CCR7: variants seen among roughly 807,000 people sequenced by gnomAD.
CCR7 encodes the protein C-C motif chemokine receptor 7, also known as C-C chemokine receptor type 7.
A neutral mutation model predicts 26.0 loss-of-function variants in CCR7; 11 were observed. The observed-to-expected ratio is 0.42, with a 90% CI of 0.27 to 0.70. The LOEUF (loss-of-function observed/expected upper bound fraction) is 0.70. Among genes scored for constraint, CCR7 ranks in the 30% least tolerant of loss-of-function variants. CCR7 has a pLI of 0.23. For synonymous variants in CCR7, 189 were observed against 202.1 expected (o/e 0.94, Z 0.55); for missense variants, 360 against 504.0 (o/e 0.71, Z 2.74).
Position 40,558,896 on chromosome 17 carries a change from G to A in CCR7, c.57C>T (p.Phe19=). 6.2e-7 allele frequency: 1 copy of A among 1,613,756 alleles called. No homozygotes were observed. The highest frequency in any genetic ancestry group is 8.5e-7 in the Non-Finnish European group (1 of 1,179,748). ...TTTCCTTGGCAGAGAACCTCACCTG[G>A]AAAATGACAAGGAGAGCCACCACCA... ...SVLVVALLVI[F]QVCLCQDEVT... Residue 19 remains phenylalanine (F), a synonymous_variant, in exon 2 of 3, where the codon TTC becomes TTT. Coordinates refer to ENST00000246657, the MANE Select transcript of CCR7 (RefSeq NM_001838.4).
At chr17:40,559,354 C>G (rs746509793) in intron 1 of CCR7, among the ~76,000 whole-genome samples, 1 of 152,238 alleles carries the variant, frequency 6.6e-6, no homozygotes. Flanking sequence ...GCTATGAGGT[C>G]GTGGGGTAGG....
chr17:40,562,157 T>C (rs1168564228), intron 1 of CCR7, among the ~76,000 whole-genome samples: 1 of 152,076 alleles, frequency 6.6e-6, no homozygotes, highest in African/African-American at 2.4e-5. Flanking sequence ...GCAACCACAC[T>C]CCTAACCATC....
rs79189464 is a variant in CCR7 at position 40,555,847 on chromosome 17, G to A, written c.61-29C>T. 1 of 1,521,440 alleles carries A rather than the reference G, an allele frequency of 6.6e-7. No individual in the cohort carries two copies. Among genetic ancestry groups the A allele is most frequent in the Non-Finnish European group, 9.1e-7 (1 of 1,100,906 alleles). The allele number at this position is 1,521,440 out of a possible 1,614,324, so 94.2% of individuals were successfully genotyped here. On this transcript the variant is annotated intron_variant, in intron 2 of 2. Transcript: ENST00000246657. The surrounding 1 kb of genome is among the most constrained non-coding windows in gnomAD (Gnocchi z 5.6). ...CGGGGAAGGAAATGAGGGAAAACAG[G>A]CCAGTTTAGCTGGGTGGCTCCAACT...
chr17:40,559,118 G>A (rs1298156754), intron 1 of CCR7, among the ~76,000 whole-genome samples, 176 bp from the exon 2 acceptor site: 5 of 152,158 alleles, frequency 3.3e-5, no homozygotes, highest in Admixed American at 6.5e-5. Context: ...CCTGCTGCCC[G>A]GCATCACTGT....
At chr17:40,560,853 A>G (rs1247609820) in intron 1 of CCR7, 1 of 152,204 alleles carries the variant, frequency 6.6e-6, no homozygotes, top group Non-Finnish European at 1.5e-5. Flanking sequence ...GGGCATTTGT[A>G]GTCCTGCTGC....
At chr17:40,557,907 C>A (rs1027575811) in intron 2 of CCR7, among the ~76,000 whole-genome samples, 4 of 152,228 alleles carry the variant, frequency 2.6e-5, no homozygotes, top group Non-Finnish European at 4.4e-5. Flanking sequence ...GCCTCCACTG[C>A]CAGCAATACA....
chr17:40,563,127 A>C, intron 1 of CCR7, among the ~76,000 whole-genome samples: 1 of 152,130 alleles, frequency 6.6e-6, no homozygotes, highest in East Asian at 1.9e-4. Context: ...GCTGTATCTT[A>C]TTCTGTTGCA....
chr17:40,558,790 G>T, intron 2 of CCR7, 103 bp downstream of exon 2: 1 of 979,704 alleles, frequency 1.0e-6, no homozygotes. Flanking sequence ...GCTTATGTCT[G>T]GGTCTTGTAT....
rs1213465652 is a variant in CCR7 at position 40,565,118 on chromosome 17, T to C, written c.10+282A>G. On this transcript the variant is annotated intron_variant, in intron 1 of 2. Coordinates refer to ENST00000246657, the MANE Select transcript of CCR7 (RefSeq NM_001838.4). Reference sequence around the variant, plus strand: ...CAAGCCCAGCCCCGCCACTCTCTTATGTCCCTGCTGTTTTAGAAAGACATG... The same window carrying C: ...CAAGCCCAGCCCCGCCACTCTCTTACGTCCCTGCTGTTTTAGAAAGACATG... 2.6e-5 allele frequency among the ~76,000 whole-genome samples: 4 copies of C among 152,102 alleles called. No individual in the cohort carries two copies. The East Asian group carries it at 7.7e-4, about 29-fold the overall frequency.
chr17:40,562,175 G>A (rs1432083523), intron 1 of CCR7, among the ~76,000 whole-genome samples: 1 of 152,144 alleles, frequency 6.6e-6, no homozygotes, highest in African/African-American at 2.4e-5. Context: ...ATCCTTCTGT[G>A]CGGCCACTGG....
chr17:40,555,306 G>C lies in CCR7; in HGVS notation c.573C>G (p.Ile191Met). ...GIWILATVLS[I>M]PELLYSDLQR... ...GGAGGTCACTGTACAGGAGCTCTGG[G>C]ATGGAGAGCACTGTGGCTAGTATCC... The change falls in exon 3 of 3, where the codon ATC (isoleucine) becomes ATG (methionine). Residue 191 changes from isoleucine to methionine, a missense_variant. Ile to Met is a conservative substitution (Grantham distance 10). Transcript: ENST00000246657. This position sits in a 1 kb window ranked among gnomAD's most constrained non-coding sequence, Gnocchi z 5.6. 2 of 1,614,194 alleles carry C rather than the reference G, an allele frequency of 1.2e-6. No individual in the cohort carries two copies. The highest frequency in any genetic ancestry group is 2.2e-5 in the South Asian group (2 of 91,082).
chr17:40,556,517 C>T (rs77003922), intron 2 of CCR7, among the ~76,000 whole-genome samples: 1 of 150,348 alleles, frequency 6.7e-6, no homozygotes, highest in Non-Finnish European at 1.5e-5. Context: ...GCTGGTTAAA[C>T]TCTTTCTGTC....
chr17:40,559,029 G>T (rs183729168), intron 1 of CCR7, 87 bp from the exon 2 acceptor site: 325 of 1,112,548 alleles, frequency 2.9e-4, no homozygotes, highest in Non-Finnish European at 4.0e-4. Flanking sequence ...GACGCTGTTG[G>T]GAACTTTCCT....
Position 40,555,772 on chromosome 17 carries a change from T to G in CCR7, c.107A>C (p.Asn36Thr). The change falls in exon 3 of 3, where the codon AAC becomes ACC. Residue 36 changes from asparagine (N) to threonine (T), a missense_variant. Transcript: ENST00000246657. This position sits in a 1 kb window ranked among gnomAD's most constrained non-coding sequence, Gnocchi z 5.6. ...GAACAAAGTGTAGTCCACTGTGGTGTTGTCTCCGATGTAATCGTCCGTGAC... is the reference window on the plus strand; with the variant it reads ...GAACAAAGTGTAGTCCACTGTGGTGGTGTCTCCGATGTAATCGTCCGTGAC... ...DEVTDDYIGD[N>T]TTVDYTLFES... 2 of 1,614,156 alleles carry G rather than the reference T, an allele frequency of 1.2e-6. No homozygotes were observed. Among genetic ancestry groups the G allele is most frequent in the Non-Finnish European group, 1.7e-6 (2 of 1,180,028 alleles).
chr17:40,562,630 G>C (rs919547904), intron 1 of CCR7, among the ~76,000 whole-genome samples: 2 of 152,164 alleles, frequency 1.3e-5, no homozygotes, highest in Non-Finnish European at 2.9e-5. Context: ...TTGTTTTCAG[G>C]ATAAAGTTCA....
chr17:40,557,286 G>T (rs2143909482), intron 2 of CCR7, among the ~76,000 whole-genome samples: 1 of 152,302 alleles, frequency 6.6e-6, no homozygotes, highest in East Asian at 1.9e-4. Flanking sequence ...GTTTGTGCAG[G>T]GCAGGGAGCT....
Position 40,555,733 on chromosome 17 carries a change from G to T in CCR7, c.146C>A (p.Ser49Tyr), listed in dbSNP as rs752966484. The change falls in exon 3 of 3, where the codon TCC becomes TAC. Residue 49 changes from serine (S) to tyrosine (Y), a missense_variant. Transcript: ENST00000246657. This position sits in a 1 kb window ranked among gnomAD's most constrained non-coding sequence, Gnocchi z 5.6. Reference sequence around the variant, plus strand: ...TTTAAAGTTCCGCACGTCCTTCTTGGAGCACAAAGACTCGAACAAAGTGTA... The same window carrying T: ...TTTAAAGTTCCGCACGTCCTTCTTGTAGCACAAAGACTCGAACAAAGTGTA... Reference protein sequence around the residue: ...VDYTLFESLCSKKDVRNFKAW... With the variant: ...VDYTLFESLCYKKDVRNFKAW... The T allele has an allele frequency of 6.2e-7, 1 of 1,614,130 alleles. No homozygotes were observed. Among genetic ancestry groups the T allele is most frequent in the Admixed American group, 1.7e-5 (1 of 60,012 alleles).
At chr17:40,563,894 C>T (rs2036679465) in intron 1 of CCR7, among the ~76,000 whole-genome samples, 2 of 152,132 alleles carry the variant, frequency 1.3e-5, no homozygotes, top group Admixed American at 6.5e-5. Context: ...GGAGAATTTA[C>T]ACCATGGAAA....
Position 40,555,220 on chromosome 17 carries a change from A to G in CCR7, c.659T>C (p.Phe220Ser), listed in dbSNP as rs1213836608. The G allele has an allele frequency of 1.9e-6, 3 of 1,614,132 alleles. No homozygotes were observed. The highest frequency in any genetic ancestry group is 2.5e-6 in the Non-Finnish European group (3 of 1,180,012). The change falls in exon 3 of 3, where the codon TTT becomes TCT. Residue 220 changes from phenylalanine (F) to serine (S), a missense_variant. Physicochemically the swap from Phe to Ser is radical, Grantham distance 155. Coordinates refer to ENST00000246657, the MANE Select transcript of CCR7 (RefSeq NM_001838.4). The surrounding 1 kb of genome is among the most constrained non-coding windows in gnomAD (Gnocchi z 5.6). ...CATCTGGGCCACCTGGATGGTGATA[A>G]AGGCCTCCACATGCTCTGTGATGAG... ...CSLITEHVEAFITIQVAQMVI... is the reference protein window; with the variant it reads ...CSLITEHVEASITIQVAQMVI...
Sources: gnomAD v4.1 joint callset for allele counts (sites outside exome capture counted in the v4.1 genomes callset) on GRCh38, gnomAD v4.1.1 for gene constraint, Gnocchi (gnomAD v3.1) non-coding constraint, MANE v1.5 for transcripts, NCBI Gene and HGNC (gene_info 2026-07-23, HGNC 2026-07-21) for gene names.